Variants in TRIO observed in about 807,000 individuals in gnomAD.
TRIO encodes the protein trio Rho guanine nucleotide exchange factor, also known as triple functional domain protein.
TRIO carries 58 observed loss-of-function variants against 351.9 expected under a neutral mutation model. That is an observed-to-expected ratio of 0.16 (90% CI 0.13 to 0.21). TRIO has a LOEUF of 0.21. Among genes scored for constraint, TRIO ranks in the 10% least tolerant of loss-of-function variants. The probability of loss-of-function intolerance (pLI) is 1.00; values close to 1 mark genes in which losing one functional copy is unlikely to be tolerated. For synonymous variants in TRIO, 1,758 were observed against 1,595.7 expected (o/e 1.10, Z -2.42); for missense variants, 3,201 against 4,027.8 (o/e 0.79, Z 5.56).
intron 15 of TRIO, among the ~76,000 whole-genome samples, chr5:14,365,896 A>G (rs1039953517): frequency 2.6e-5 from 4 of 152,186 alleles, no homozygotes; most frequent in African/African-American, 4.8e-5. Flanking sequence ...AGGGGAACGC[A>G]TAATGAGAAA....
intron 2 of TRIO, among the ~76,000 whole-genome samples, chr5:14,272,834 A>T (rs942863646): frequency 3.9e-5 from 6 of 152,234 alleles, no homozygotes; most frequent in African/African-American, 1.4e-4. Context: ...AAAAAACCAT[A>T]AAATTAAGTA....
chr5:14,167,710 G>C (rs1788854041), intron 1 of TRIO, among the ~76,000 whole-genome samples: 1 of 152,126 alleles, frequency 6.6e-6, no homozygotes, highest in Admixed American at 6.5e-5. Flanking sequence ...ATAGGTGTGA[G>C]TCAGAGGCTG....
intron 2 of TRIO, among the ~76,000 whole-genome samples, chr5:14,274,277 T>C (rs1735306906): frequency 6.6e-6 from 1 of 152,216 alleles, no homozygotes; most frequent in South Asian, 2.1e-4. Context: ...TGGATTTTCC[T>C]ATAGTGTAGA....
chr5:14,416,450 T>G (rs1039687947), intron 33 of TRIO, among the ~76,000 whole-genome samples: 2 of 152,172 alleles, frequency 1.3e-5, no homozygotes, highest in African/African-American at 4.8e-5. Flanking sequence ...CCTCTCTTTT[T>G]GGGTAAAGCC....
Position 14,508,689 on chromosome 5 carries a change from A to ATTATT in TRIO, c.*267_*268insTTATT. The ATTATT allele has an allele frequency of 2.6e-6, 1 of 380,660 alleles. No homozygotes were observed. The allele number at this position is 380,660 out of a possible 1,614,324, so 23.6% of individuals were successfully genotyped here. A position where few individuals can be genotyped will look rare whatever the true frequency, so the allele number is the denominator to read the frequency against. ...ATTCAGGTTTCTGCAAAAAAATAAA[A>ATTATT]AGATAACTTTTTTAAACAAACATGA... On this transcript the variant is annotated 3_prime_UTR_variant, in exon 57 of 57. Transcript: ENST00000344204.
intron 1 of TRIO, among the ~76,000 whole-genome samples, chr5:14,207,359 CACAG>C (rs1413239954): frequency 1.2e-4 from 3 of 24,622 alleles, no homozygotes; most frequent in African/African-American, 2.9e-4. Flanking sequence ...CACACACACA[CACAG>C]AGCCAGGTAG....
At chr5:14,489,130 C>T (rs1561551913) in intron 48 of TRIO, 3 of 720,140 alleles carry the variant, frequency 4.2e-6, no homozygotes, top group Middle Eastern at 2.3e-4. Context: ...TTTTTAAATA[C>T]ATTTCTCTAA....
chr5:14,454,021 C>A (rs1753047681), intron 34 of TRIO, among the ~76,000 whole-genome samples: 1 of 152,076 alleles, frequency 6.6e-6, no homozygotes, highest in African/African-American at 2.4e-5. Context: ...CCTCTGCCTC[C>A]TGGGTTCAAG....
chr5:14,482,739 C>A lies in TRIO; in HGVS notation c.6623C>A (p.Ser2208Tyr). The change falls in exon 46 of 57, where the codon TCC becomes TAC. Residue 2208 changes from serine to tyrosine, a missense_variant. Physicochemically the swap from Ser to Tyr is moderately radical, Grantham distance 144. This residue lies in a region of TRIO where 1,089 missense variants were observed against 954.9 expected (regional missense o/e 1.14). Coordinates refer to ENST00000344204, the MANE Select transcript of TRIO (RefSeq NM_007118.4). ...CCACTTGATAAAAAGAAGGGCTTCT[C>A]CATGCCGGGATTCCTGTTTAAGAAC... ...SEPLDKKKGF[S>Y]MPGFLFKNSI... 1 of 1,606,862 alleles carries A rather than the reference C, an allele frequency of 6.2e-7. No individual in the cohort carries two copies. The highest frequency in any genetic ancestry group is 8.5e-7 in the Non-Finnish European group (1 of 1,175,956).
At chr5:14,207,425 CACACACGCAGCCAGGTAGCATAGCA>C in intron 1 of TRIO, among the ~76,000 whole-genome samples, 2 of 104,090 alleles carry the variant, frequency 1.9e-5, no homozygotes, top group African/African-American at 3.6e-5. Context: ...CACACACACA[CACACACGCAGCCAGGTAGCATAGCA>C]AGACTGTCTC....
chr5:14,454,678 A>G (rs916408047), intron 34 of TRIO, among the ~76,000 whole-genome samples: 4 of 152,206 alleles, frequency 2.6e-5, no homozygotes, highest in Admixed American at 6.5e-5. Flanking sequence ...GTAGTTAGAA[A>G]CAACCAGACA....
chr5:14,193,827 T>C (rs1360130647), intron 1 of TRIO, among the ~76,000 whole-genome samples: 2 of 152,188 alleles, frequency 1.3e-5, no homozygotes, highest in African/African-American at 4.8e-5. Context: ...TCCAAAAATA[T>C]TACACATGAT....
chr5:14,319,587 G>A (rs354921), intron 9 of TRIO, among the ~76,000 whole-genome samples: 1,958 of 152,264 alleles, frequency 0.013, 44 homozygotes, highest in African/African-American at 0.044. Context: ...ATAGTAAGCC[G>A]GTTAGAGACA....
At chr5:14,488,300 C>T in intron 48 of TRIO, 40 bp downstream of exon 48, 1 of 1,518,602 alleles carries the variant, frequency 6.6e-7, no homozygotes. Flanking sequence ...CGCCCCCCTG[C>T]CTCTGTCCCG....
In TRIO at chr5:14,287,000, C is replaced by G; in HGVS notation, c.477C>G (p.Ile159Met). The change falls in exon 4 of 57, where the codon ATC becomes ATG. Residue 159 changes from isoleucine to methionine, a missense_variant. Physicochemically the swap from Ile to Met is conservative, Grantham distance 10. Coordinates refer to ENST00000344204, the MANE Select transcript of TRIO (RefSeq NM_007118.4). The surrounding 1 kb of genome is among the most constrained non-coding windows in gnomAD (Gnocchi z 4.4). ...GCTGCATCCATGTGGCCCTGATCAT[C>G]AAGCCAGACAACTTCTGGCAGAAAC... ...FPCCIHVALI[I>M]KPDNFWQKQR... 6.2e-7 allele frequency: 1 copy of G among 1,614,206 alleles called. No homozygotes were observed. Among genetic ancestry groups the G allele is most frequent in the Non-Finnish European group, 8.5e-7 (1 of 1,180,032 alleles).
chr5:14,276,408 G>T (rs1735522939), intron 2 of TRIO, among the ~76,000 whole-genome samples: 1 of 152,278 alleles, frequency 6.6e-6, no homozygotes, highest in Non-Finnish European at 1.5e-5. Context: ...GAGCCTAGAA[G>T]GTGCAGGGCT....
intron 3 of TRIO, among the ~76,000 whole-genome samples, chr5:14,284,046 C>G (rs1319429829): frequency 1.3e-5 from 2 of 152,004 alleles, no homozygotes; most frequent in African/African-American, 4.8e-5. Flanking sequence ...CACTCTTACT[C>G]CTTGTTGTCC....
At chr5:14,416,800 A>G (rs1441720458) in intron 33 of TRIO, among the ~76,000 whole-genome samples, 1 of 151,872 alleles carries the variant, frequency 6.6e-6, no homozygotes, top group Non-Finnish European at 1.5e-5. Flanking sequence ...AATTAATAAG[A>G]CTCTGGAGAA....
chr5:14,158,262 T>G (rs1320338214), intron 1 of TRIO, among the ~76,000 whole-genome samples: 1 of 151,860 alleles, frequency 6.6e-6, no homozygotes, highest in Non-Finnish European at 1.5e-5. Flanking sequence ...CTGTCTCTAC[T>G]AAAAATATGA....
Sources: gnomAD v4.1 joint callset for allele counts (sites outside exome capture counted in the v4.1 genomes callset) on GRCh38, gnomAD v4.1.1 for gene constraint, gnomAD v4.1.1 regional missense constraint, Gnocchi (gnomAD v3.1) non-coding constraint, MANE v1.5 for transcripts, NCBI Gene and HGNC (gene_info 2026-07-23, HGNC 2026-07-21) for gene names.